IL36B: variants seen among roughly 807,000 people sequenced by gnomAD.
The protein encoded by IL36B is interleukin 36 beta, also known as interleukin-36 beta.
A neutral mutation model predicts 19.3 loss-of-function variants in IL36B; 23 were observed. That is an observed-to-expected ratio of 1.19 (90% CI 0.86 to 1.69). The LOEUF is 1.69. Ranked by LOEUF, IL36B falls within the 40% of genes most tolerant of loss-of-function variation. The probability of loss-of-function intolerance (pLI) is 0.00; values close to 1 mark genes in which losing one functional copy is unlikely to be tolerated. For synonymous variants in IL36B, 59 were observed against 59.7 expected (o/e 0.99, Z 0.05); for missense variants, 217 against 200.5 (o/e 1.08, Z -0.50).
chr2:113,028,455 C>T (rs1314457529), intron 4 of IL36B, among the ~76,000 whole-genome samples: 1 of 152,196 alleles, frequency 6.6e-6, no homozygotes, highest in Non-Finnish European at 1.5e-5. Flanking sequence ...TTCTCAACCT[C>T]CAAGTGGGCT....
intron 1 of IL36B, among the ~76,000 whole-genome samples, chr2:113,037,240 C>A (rs531693561): frequency 6.6e-6 from 1 of 152,326 alleles, no homozygotes; most frequent in African/African-American, 2.4e-5. Context: ...GGGATGTTCC[C>A]AGCATAAAGT....
chr2:113,047,792 T>TA lies in IL36B; in HGVS notation c.-58+5024dup, dbSNP rs34294724. 4.4e-3 allele frequency among the ~76,000 whole-genome samples: 665 copies of TA among 152,126 alleles called. 9 individuals carry two copies. The highest frequency in any genetic ancestry group is 0.015 in the African/African-American group (630 of 41,480). Reference sequence around the variant, plus strand: ...TCCTTGTGGTAGACTTAAAGTGGTATAAAAAAATTAAAGGTAGACTTTAAT... The same window carrying TA: ...TCCTTGTGGTAGACTTAAAGTGGTATAAAAAAAATTAAAGGTAGACTTTAAT... On this transcript the variant is annotated intron_variant, in intron 1 of 5. Coordinates refer to ENST00000259213, the MANE Select transcript of IL36B (RefSeq NM_014438.5).
chr2:113,027,870 C>T (rs1334623458), intron 4 of IL36B: 1 of 1,611,458 alleles, frequency 6.2e-7, no homozygotes, highest in Admixed American at 1.7e-5. Flanking sequence ...GATTCTCTAT[C>T]CTGGAACCAG....
chr2:113,027,182 A>G (rs192269136), intron 4 of IL36B, among the ~76,000 whole-genome samples: 2 of 152,276 alleles, frequency 1.3e-5, no homozygotes, highest in African/African-American at 2.4e-5. Flanking sequence ...CATCATAACA[A>G]TCTATCCTCA....
chr2:113,047,882 C>T (rs1280484799), intron 1 of IL36B, among the ~76,000 whole-genome samples: 1 of 151,268 alleles, frequency 6.6e-6, no homozygotes, highest in African/African-American at 2.4e-5. Flanking sequence ...ATTAATAAGT[C>T]AATAAAAGAG....
chr2:113,029,146 C>A lies in IL36B; in HGVS notation c.122-68G>T, dbSNP rs915148517. The A allele has an allele frequency of 1.2e-5, 18 of 1,505,722 alleles. No individual in the cohort carries two copies. The African/African-American group carries it at 2.5e-4, about 21-fold the overall frequency. 93.3% of individuals were successfully genotyped at this position (1,505,722 alleles called of 1,614,324 possible). On this transcript the variant is annotated intron_variant, in intron 3 of 5. Coordinates refer to ENST00000259213, the MANE Select transcript of IL36B (RefSeq NM_014438.5). ...TGGTCTGACACTCAGTTACTCCCCC[C>A]AGGTAGGGAATAGTGACAGGCTCCT...
At chr2:113,039,243 T>C (rs1685205745) in intron 1 of IL36B, among the ~76,000 whole-genome samples, 1 of 152,044 alleles carries the variant, frequency 6.6e-6, no homozygotes. Flanking sequence ...GCTTGACCCC[T>C]CACTAAGACA....
chr2:113,031,215 T>C, intron 2 of IL36B, 60 bp from the exon 3 acceptor site: 1 of 1,106,826 alleles, frequency 9.0e-7, no homozygotes. Flanking sequence ...GGACTCCAGT[T>C]GCATCCTGGT....
chr2:113,024,704 G>A (rs1056902852), intron 5 of IL36B, among the ~76,000 whole-genome samples: 7 of 152,212 alleles, frequency 4.6e-5, no homozygotes, highest in Non-Finnish European at 8.8e-5. Flanking sequence ...TGGGCTGGCT[G>A]TCTATCTCTT....
At chr2:113,049,515 T>C (rs769952438) in intron 1 of IL36B, among the ~76,000 whole-genome samples, 2 of 152,170 alleles carry the variant, frequency 1.3e-5, no homozygotes, top group African/African-American at 4.8e-5. Flanking sequence ...TATATACTAA[T>C]AGCCAATAAG....
chr2:113,031,194 T>TG, intron 2 of IL36B, 39 bp from the exon 3 acceptor site: 8 of 1,420,540 alleles, frequency 5.6e-6, no homozygotes, highest in Non-Finnish European at 7.0e-6. Flanking sequence ...CACGTGAGGT[T>TG]ATCAACTTCA....
intron 1 of IL36B, among the ~76,000 whole-genome samples, chr2:113,046,528 T>C (rs1222250265): frequency 6.6e-6 from 1 of 152,138 alleles, no homozygotes; most frequent in Non-Finnish European, 1.5e-5. Context: ...TTATCTAATA[T>C]CCTTTTTTTG....
At chr2:113,031,652 G>A (rs1018477960) in intron 2 of IL36B, 45 bp downstream of exon 2, 1 of 1,539,242 alleles carries the variant, frequency 6.5e-7, no homozygotes, top group African/African-American at 1.4e-5. Flanking sequence ...CTTTGATGAG[G>A]TCAGATGGAG....
chr2:113,051,713 G>A (rs11897709), intron 1 of IL36B, among the ~76,000 whole-genome samples: 14,178 of 152,206 alleles, frequency 0.093, 802 homozygotes, highest in African/African-American at 0.14. Context: ...GGTTGGAGAG[G>A]GAGTCCTGGA....
intron 1 of IL36B, among the ~76,000 whole-genome samples, chr2:113,047,837 C>A (rs1056704996): frequency 4.6e-5 from 7 of 151,514 alleles, no homozygotes; most frequent in African/African-American, 1.7e-4. Context: ...GTATTGGAAG[C>A]CCTGGACTAA....
intron 1 of IL36B, among the ~76,000 whole-genome samples, chr2:113,045,054 A>G (rs566552956): frequency 9.1e-4 from 138 of 152,226 alleles, no homozygotes; most frequent in Admixed American, 7.9e-3. Flanking sequence ...TTTTTTAAAT[A>G]ATTATCTTTT....
At chr2:113,037,455 G>A (rs1685183940) in intron 1 of IL36B, among the ~76,000 whole-genome samples, 1 of 152,102 alleles carries the variant, frequency 6.6e-6, no homozygotes, top group African/African-American at 2.4e-5. Flanking sequence ...TTTGAGACCA[G>A]CCTGACCAAC....
chr2:113,024,508 C>G (rs1684917679), intron 5 of IL36B, among the ~76,000 whole-genome samples: 1 of 152,182 alleles, frequency 6.6e-6, no homozygotes, highest in Non-Finnish European at 1.5e-5. Context: ...AATCTGTCAT[C>G]CCGTGCCTTC....
In IL36B at chr2:113,022,653, G is replaced by A; in HGVS notation, c.*21C>T. ...AACCCACTCAAAGATTGTAGAGATGGGAATCTTCCTCCCCTTATTTCTACA... is the reference window on the plus strand; with the variant it reads ...AACCCACTCAAAGATTGTAGAGATGAGAATCTTCCTCCCCTTATTTCTACA... On this transcript the variant is annotated 3_prime_UTR_variant, in exon 6 of 6. Transcript: ENST00000259213. 7.1e-7 allele frequency: 1 copy of A among 1,413,086 alleles called. No individual in the cohort carries two copies. The highest frequency in any genetic ancestry group is 1.0e-6 in the Non-Finnish European group (1 of 997,194). 87.5% of individuals were successfully genotyped at this position (1,413,086 alleles called of 1,614,324 possible).
Sources: gnomAD v4.1 joint callset for allele counts (sites outside exome capture counted in the v4.1 genomes callset) on GRCh38, gnomAD v4.1.1 for gene constraint, MANE v1.5 for transcripts, NCBI Gene and HGNC (gene_info 2026-07-23, HGNC 2026-07-21) for gene names.